NTM: variants seen among roughly 807,000 people sequenced by gnomAD.
The protein encoded by NTM is IgLON family member 2.
A neutral mutation model predicts 42.1 loss-of-function variants in NTM; 13 were observed. The observed-to-expected ratio is 0.31, with a 90% confidence interval of 0.20 to 0.49. The LOEUF (loss-of-function observed/expected upper bound fraction) is 0.49, where lower values mean the gene tolerates loss of function less well. Among genes scored for constraint, NTM ranks in the 20% least tolerant of loss-of-function variants. NTM has a pLI of 0.99. For missense variants in NTM, 373 were observed against 452.8 expected, an observed-to-expected ratio of 0.82 and a Z score of 1.60; for synonymous variants, 187 against 179.2, an observed-to-expected ratio of 1.04 and a Z score of -0.35.
intron 2 of NTM, among the ~76,000 whole-genome samples, chr11:131,960,235 A>T (rs574700495): frequency 6.6e-6 from 1 of 152,190 alleles, no homozygotes; most frequent in Non-Finnish European, 1.5e-5. Flanking sequence ...TCTTGTTTAC[A>T]GTTGTTGGGA....
intron 4 of NTM, among the ~76,000 whole-genome samples, chr11:132,221,192 C>T (rs2085097813): frequency 6.6e-6 from 1 of 152,146 alleles, no homozygotes; most frequent in African/African-American, 2.4e-5. Flanking sequence ...CTGCCTTTCT[C>T]CTGGAGTCTA....
chr11:131,395,972 C>T (rs1023998997), intron 1 of NTM, among the ~76,000 whole-genome samples: 3 of 152,134 alleles, frequency 2.0e-5, no homozygotes, highest in Non-Finnish European at 4.4e-5. Flanking sequence ...TCTTGGCTTA[C>T]CCACTAAGAC....
chr11:131,399,834 A>T (rs766973365), intron 1 of NTM, among the ~76,000 whole-genome samples: 1 of 152,138 alleles, frequency 6.6e-6, no homozygotes. Context: ...CCAGCATAGA[A>T]ATTGATGGCT....
At chr11:131,564,276 A>ATTTATTTG (rs1555151253) in intron 1 of NTM, among the ~76,000 whole-genome samples, 1 of 151,500 alleles carries the variant, frequency 6.6e-6, no homozygotes, top group East Asian at 2.0e-4. Context: ...CACCTTATTT[A>ATTTATTTG]TTTGTTTGTT....
At chr11:131,388,585 A>C (rs1405365142) in intron 1 of NTM, among the ~76,000 whole-genome samples, 1 of 152,168 alleles carries the variant, frequency 6.6e-6, no homozygotes, top group Non-Finnish European at 1.5e-5. Context: ...TTAATGGCCT[A>C]TTTATTTACA....
chr11:131,842,129 A>G (rs2044338013), intron 1 of NTM, among the ~76,000 whole-genome samples: 1 of 152,188 alleles, frequency 6.6e-6, no homozygotes, highest in African/African-American at 2.4e-5. Context: ...GAGCTCCTTT[A>G]CAGAGCTCTA....
In NTM at chr11:132,177,756, A is replaced by G. The variant is rs77405775; in HGVS notation, c.400+31242A>G. On this transcript the variant is annotated intron_variant, in intron 3 of 8. Coordinates refer to ENST00000683400, the MANE Select transcript of NTM (RefSeq NM_001352005.2). ...TGTTGTTGAAGGCAATGAAGCCCCA[A>G]TGGGGCATGGGGTAAAATACTGAAG... is the stretch of plus-strand genomic sequence containing the variant. 8.8e-3 allele frequency among the ~76,000 whole-genome samples: 1,341 copies of G among 152,274 alleles called. 21 individuals are homozygous for G. The highest frequency in any genetic ancestry group is 0.03 in the African/African-American group (1,248 of 41,558).
chr11:131,545,264 A>T (rs1322789482), intron 1 of NTM, among the ~76,000 whole-genome samples: 3 of 152,116 alleles, frequency 2.0e-5, no homozygotes, highest in Non-Finnish European at 2.9e-5. Context: ...TAAATGCATG[A>T]TACCTTTTCC....
At chr11:132,250,057 G>A (rs2091754543) in intron 4 of NTM, among the ~76,000 whole-genome samples, 2 of 152,140 alleles carry the variant, frequency 1.3e-5, no homozygotes, top group South Asian at 4.2e-4. Context: ...TCCTCTGGGA[G>A]AGCTCTGCTG....
chr11:132,167,091 T>A (rs2075392910), intron 3 of NTM, among the ~76,000 whole-genome samples: 1 of 152,230 alleles, frequency 6.6e-6, no homozygotes, highest in Non-Finnish European at 1.5e-5. Context: ...TTTACTCTGT[T>A]CTATCTTATT....
intron 1 of NTM, among the ~76,000 whole-genome samples, chr11:131,804,062 G>A (rs927992524): frequency 4.6e-5 from 7 of 152,122 alleles, no homozygotes; most frequent in Admixed American, 2.0e-4. Flanking sequence ...TCTCAGGCCT[G>A]CTGATCTGTT....
chr11:132,291,453 A>C (rs922447780), intron 4 of NTM, among the ~76,000 whole-genome samples: 4 of 152,244 alleles, frequency 2.6e-5, no homozygotes, highest in Non-Finnish European at 5.9e-5. Flanking sequence ...CATGTCGGAC[A>C]TGTCAAATGT....
chr11:131,815,077 G>T (rs752485969), intron 1 of NTM, among the ~76,000 whole-genome samples: 11 of 152,128 alleles, frequency 7.2e-5, no homozygotes, highest in Non-Finnish European at 1.5e-4. Flanking sequence ...TCGCTCTGCA[G>T]GTAGAAATAC....
chr11:132,046,266 C>A (rs2077972387), intron 2 of NTM, among the ~76,000 whole-genome samples: 1 of 152,082 alleles, frequency 6.6e-6, no homozygotes, highest in South Asian at 2.1e-4. Flanking sequence ...TTATTGCTAT[C>A]ATCCTGAGCT....
intron 4 of NTM, among the ~76,000 whole-genome samples, chr11:132,223,895 C>A (rs965333394): frequency 6.6e-6 from 1 of 152,138 alleles, no homozygotes; most frequent in African/African-American, 2.4e-5. Context: ...GGTGACAGCG[C>A]AGGTGTCTGA....
Position 131,588,287 on chromosome 11 carries a change from A to G in NTM, c.82+217399A>G, listed in dbSNP as rs1337155753. Among the ~76,000 whole-genome samples the G allele has an allele frequency of 3.9e-5, 6 of 152,242 alleles. No homozygotes were observed. In the East Asian group the frequency reaches 1.2e-3, roughly 29 times the overall value. On this transcript the variant is annotated intron_variant, in intron 1 of 8. Transcript: ENST00000683400. ...CACAACATGGCAGCTGGCCACCCCC[A>G]GTGAGCAACCCAAGAGACAGTGAGA... is the stretch of plus-strand genomic sequence containing the variant.
At chr11:131,965,339 A>G (rs898275957) in intron 2 of NTM, among the ~76,000 whole-genome samples, 4 of 152,128 alleles carry the variant, frequency 2.6e-5, no homozygotes, top group African/African-American at 9.7e-5. Context: ...TCTCCTGGAA[A>G]GCAGACAAGG....
Position 131,862,601 on chromosome 11 carries a change from T to C in NTM, c.83-48963T>C, listed in dbSNP as rs192980382. ...ATATTTTAAAAGAATATACCATATC[T>C]AAGTCCCTAGTTTCAAAAACTGTCC... is the stretch of plus-strand genomic sequence containing the variant. On this transcript the variant is annotated intron_variant, in intron 1 of 8. Coordinates refer to ENST00000683400, the MANE Select transcript of NTM (RefSeq NM_001352005.2). 4.0e-3 allele frequency among the ~76,000 whole-genome samples: 611 copies of C among 152,340 alleles called. 4 individuals are homozygous for C. The highest frequency in any genetic ancestry group is 0.014 in the African/African-American group (573 of 41,578).
intron 2 of NTM, among the ~76,000 whole-genome samples, chr11:131,994,043 A>G (rs968858452): frequency 6.6e-6 from 1 of 151,810 alleles, no homozygotes; most frequent in Non-Finnish European, 1.5e-5. Flanking sequence ...AAGAACAAAG[A>G]CATAAACAGC....
Sources: allele counts gnomAD v4.1 joint callset (sites outside exome capture counted in the v4.1 genomes callset), GRCh38; gene constraint gnomAD v4.1.1; transcripts MANE v1.5; gene names NCBI Gene and HGNC (gene_info 2026-07-23, HGNC 2026-07-21).